Variants in KCNQ3 observed in about 807,000 individuals in gnomAD.
The protein encoded by KCNQ3 is potassium voltage-gated channel subfamily KQT member 3.
A neutral mutation model predicts 92.5 loss-of-function variants in KCNQ3; 30 were observed. That is an observed-to-expected ratio of 0.32 (90% confidence interval 0.24 to 0.44). KCNQ3 has a LOEUF of 0.44. Ranked by LOEUF, KCNQ3 falls within the 20% of genes least tolerant of loss-of-function variation. The pLI is 1.00. For missense variants in KCNQ3, 913 were observed against 1,140.3 expected (o/e 0.80, Z 2.87); for synonymous variants, 450 against 468.8 (o/e 0.96, Z 0.52).
At chr8:132,294,347 G>A (rs1468518157) in intron 1 of KCNQ3, among the ~76,000 whole-genome samples, 1 of 152,186 alleles carries the variant, frequency 6.6e-6, no homozygotes, top group African/African-American at 2.4e-5. Flanking sequence ...TGATGATGGA[G>A]TGAATCAGAG....
At position 132,137,931 on chromosome 8, in the gene KCNQ3, C is replaced by G. The variant is rs1222807944; in HGVS notation, c.1654G>C (p.Ala552Pro). ...DVKDVIEQYSAGHLDMLSRIK... is the reference protein window; with the variant it reads ...DVKDVIEQYSPGHLDMLSRIK... ...CTGGAAAGCATGTCGAGATGCCCGG[C>G]AGAATACTGCTCAATCACATCCTTC... The change falls in exon 12 of 15, where the codon GCC (alanine) becomes CCC (proline). Residue 552 changes from alanine (A) to proline (P), a missense_variant. Ala to Pro is a conservative substitution (Grantham distance 27). This residue lies in a region of KCNQ3 where 182 missense variants were observed against 234.5 expected (regional missense o/e 0.78). Transcript: ENST00000388996. 6.2e-7 allele frequency: 1 copy of G among 1,614,028 alleles called. No individual in the cohort carries two copies. The highest frequency in any genetic ancestry group is 2.2e-5 in the East Asian group (1 of 44,876).
chr8:132,299,258 A>G (rs1376223854), intron 1 of KCNQ3, among the ~76,000 whole-genome samples: 1 of 152,042 alleles, frequency 6.6e-6, no homozygotes, highest in African/African-American at 2.4e-5. Flanking sequence ...AGTTTCTTAC[A>G]TATTCTTCCA....
rs529608749 is a variant in KCNQ3, at chr8:132,246,810, T to C, written c.387-60629A>G. Among the ~76,000 whole-genome samples the C allele has an allele frequency of 7.9e-5, 12 of 152,268 alleles. No homozygotes were observed. The East Asian group carries it at 1.7e-3, about 22-fold the overall frequency. ...GTCCTCCAGAAAGTCCTCAGCACCA[T>C]GGAGAAGTATATTGTATGGACTATC... On this transcript the variant is annotated intron_variant, in intron 1 of 14. Coordinates refer to ENST00000388996, the MANE Select transcript of KCNQ3 (RefSeq NM_004519.4).
chr8:132,358,127 G>C (rs147877499), intron 1 of KCNQ3, among the ~76,000 whole-genome samples: 1 of 152,200 alleles, frequency 6.6e-6, no homozygotes, highest in Non-Finnish European at 1.5e-5. Flanking sequence ...CTAACTTCAG[G>C]GCCATCCATA....
chr8:132,218,266 C>T (rs1378346074), intron 1 of KCNQ3, among the ~76,000 whole-genome samples: 1 of 152,174 alleles, frequency 6.6e-6, no homozygotes, highest in African/African-American at 2.4e-5. Context: ...TGGGACACTA[C>T]CTAGCACAGG....
intron 9 of KCNQ3, among the ~76,000 whole-genome samples, chr8:132,158,916 G>A (rs1391690056): frequency 1.3e-5 from 2 of 152,172 alleles, no homozygotes; most frequent in Non-Finnish European, 2.9e-5. Flanking sequence ...ACCTGGGACA[G>A]ATTTTTTTCC....
At chr8:132,261,339 G>C (rs1216977585) in intron 1 of KCNQ3, among the ~76,000 whole-genome samples, 1 of 152,172 alleles carries the variant, frequency 6.6e-6, no homozygotes, top group Non-Finnish European at 1.5e-5. Flanking sequence ...AGTCAAGGCT[G>C]CGTGCCTCAC....
At chr8:132,311,483 T>C (rs1285807741) in intron 1 of KCNQ3, among the ~76,000 whole-genome samples, 1 of 152,218 alleles carries the variant, frequency 6.6e-6, no homozygotes, top group Non-Finnish European at 1.5e-5. Context: ...CAGCTCCCTG[T>C]CCTGTGTCCT....
intron 1 of KCNQ3, among the ~76,000 whole-genome samples, chr8:132,392,250 T>A (rs1820066747): frequency 6.6e-6 from 1 of 152,202 alleles, no homozygotes; most frequent in Non-Finnish European, 1.5e-5. Flanking sequence ...TTGGAACTCA[T>A]CTTTTGCTCC....
chr8:132,296,791 G>C lies in KCNQ3; in HGVS notation c.387-110610C>G, dbSNP rs545157574. Among the ~76,000 whole-genome samples, 8 of 151,944 alleles carry C rather than the reference G, an allele frequency of 5.3e-5. No homozygotes were observed. In the East Asian group the frequency reaches 1.5e-3, roughly 29 times the overall value. ...CATTTTCTTAATCCAGTCTATCATT[G>C]TTGGACATTTGGGTTGGTTCCAAGT... On this transcript the variant is annotated intron_variant, in intron 1 of 14. Transcript: ENST00000388996.
At chr8:132,236,602 G>A (rs1814824354) in intron 1 of KCNQ3, among the ~76,000 whole-genome samples, 1 of 152,106 alleles carries the variant, frequency 6.6e-6, no homozygotes, top group East Asian at 1.9e-4. Context: ...ATGGTGGCAG[G>A]CAGAATTCTA....
At chr8:132,292,241 T>C (rs961586428) in intron 1 of KCNQ3, among the ~76,000 whole-genome samples, 8 of 152,226 alleles carry the variant, frequency 5.3e-5, no homozygotes, top group African/African-American at 1.9e-4. Flanking sequence ...CCACTCTCTA[T>C]AGTAGGGTAT....
chr8:132,431,992 T>C (rs1017452596), intron 1 of KCNQ3, among the ~76,000 whole-genome samples: 4 of 152,196 alleles, frequency 2.6e-5, no homozygotes, highest in African/African-American at 9.6e-5. Context: ...TATTGGCTTC[T>C]CCAAAGCAAT....
At chr8:132,275,202 T>C (rs1816284780) in intron 1 of KCNQ3, among the ~76,000 whole-genome samples, 1 of 152,014 alleles carries the variant, frequency 6.6e-6, no homozygotes, top group African/African-American at 2.4e-5. Context: ...CAACAGATAG[T>C]AGTCACTCAA....
intron 1 of KCNQ3, among the ~76,000 whole-genome samples, chr8:132,240,182 CTTTT>C (rs11342824): frequency 8.9e-6 from 1 of 111,884 alleles, no homozygotes; most frequent in Non-Finnish European, 1.8e-5. Context: ...TGCCATGATT[CTTTT>C]TTTTTTTTTT....
intron 1 of KCNQ3, among the ~76,000 whole-genome samples, chr8:132,440,012 T>C (rs1483630916): frequency 1.3e-5 from 2 of 152,226 alleles, no homozygotes; most frequent in Non-Finnish European, 2.9e-5. Context: ...ACTATTTGCA[T>C]AGAACCTGCA....
intron 1 of KCNQ3, among the ~76,000 whole-genome samples, chr8:132,434,835 A>C (rs2130829012): frequency 6.6e-6 from 1 of 152,338 alleles, no homozygotes; most frequent in South Asian, 2.1e-4. Flanking sequence ...TGAGCCATGG[A>C]AACAACAGAA....
intron 1 of KCNQ3, among the ~76,000 whole-genome samples, chr8:132,263,265 C>CT (rs1329841486): frequency 1.3e-5 from 2 of 152,216 alleles, no homozygotes; most frequent in Non-Finnish European, 2.9e-5. Flanking sequence ...CTATCCACTC[C>CT]TAGGCAGTGA....
intron 1 of KCNQ3, among the ~76,000 whole-genome samples, chr8:132,345,708 G>C (rs1338073995): frequency 6.6e-6 from 1 of 152,182 alleles, no homozygotes; most frequent in South Asian, 2.1e-4. Flanking sequence ...GTCTTGGAGG[G>C]TGGTGGGGAA....
Sources: gnomAD v4.1 joint callset for allele counts (sites outside exome capture counted in the v4.1 genomes callset) on GRCh38, gnomAD v4.1.1 for gene constraint, gnomAD v4.1.1 regional missense constraint, MANE v1.5 for transcripts, NCBI Gene and HGNC (gene_info 2026-07-23, HGNC 2026-07-21) for gene names.